Variants in DHX40 observed in about 807,000 individuals in gnomAD.
DHX40 encodes the protein DEAH-box helicase 40.
DHX40 carries 28 observed loss-of-function variants against 89.6 expected under a neutral mutation model. The ratio of observed to expected loss-of-function variants is 0.31; its 90% CI spans 0.23 to 0.43. The LOEUF (loss-of-function observed/expected upper bound fraction) is 0.43. DHX40 is among the 20% of genes least tolerant of loss of function. The pLI is 1.00. For missense variants in DHX40, 457 were observed against 844.0 expected, an observed-to-expected ratio of 0.54 and a Z score of 5.68; for synonymous variants, 226 against 283.6, an observed-to-expected ratio of 0.80 and a Z score of 2.04.
Position 59,606,995 on chromosome 17 carries a change from A to G in DHX40, c.2201-38A>G, listed in dbSNP as rs751622877. ...TTAACATTTCTAGTACTGAATCTCA[A>G]AGCTAAGTTTTATTGGATTAATTTG... On this transcript the variant is annotated intron_variant, in intron 17 of 17. Coordinates refer to ENST00000251241, the MANE Select transcript of DHX40 (RefSeq NM_024612.5). 22 of 1,571,202 alleles carry G rather than the reference A, an allele frequency of 1.4e-5. No individual in the cohort carries two copies. The highest frequency in any genetic ancestry group is 1.9e-5 in the Non-Finnish European group (22 of 1,149,782).
At chr17:59,598,680 AG>A in intron 12 of DHX40, 56 bp from the exon 13 acceptor site, 1 of 610,992 alleles carries the variant, frequency 1.6e-6, no homozygotes, top group East Asian at 2.8e-5. Context: ...CTGAAAGCAA[AG>A]TGATTGTAGG....
At chr17:59,605,331 C>A in intron 16 of DHX40, 115 bp from the exon 17 acceptor site, 1 of 1,316,938 alleles carries the variant, frequency 7.6e-7, no homozygotes, top group South Asian at 1.3e-5. Context: ...TGGCCTGTGC[C>A]TCCTGTTTGA....
At chr17:59,570,480 C>G (rs1289368876) in intron 2 of DHX40, 38 bp from the exon 3 acceptor site, 1 of 1,557,904 alleles carries the variant, frequency 6.4e-7, no homozygotes, top group East Asian at 2.4e-5. Flanking sequence ...AAGACAATTG[C>G]TAACATTGTT....
chr17:59,594,903 G>A (rs1221806821), intron 12 of DHX40, among the ~76,000 whole-genome samples: 6 of 151,476 alleles, frequency 4.0e-5, no homozygotes, highest in Admixed American at 1.3e-4. Context: ...CTTGTCTTAA[G>A]CATTTTAATC....
chr17:59,589,720 TTTGTTG>T (rs1029293636), intron 12 of DHX40, among the ~76,000 whole-genome samples: 1 of 134,388 alleles, frequency 7.4e-6, no homozygotes, highest in Middle Eastern at 3.3e-3. Context: ...ATAAACAAGT[TTTGTTG>T]TTGTTGTTTT....
At chr17:59,571,716 A>C (rs1178103599) in intron 3 of DHX40, among the ~76,000 whole-genome samples, 2 of 151,342 alleles carry the variant, frequency 1.3e-5, no homozygotes, top group Non-Finnish European at 2.9e-5. Flanking sequence ...TCAGCCTCCC[A>C]AGTAGCTGGG....
rs150052111 is a variant in DHX40, at chr17:59,573,781, G to A, written c.588G>A (p.Lys196=). The part of the protein sequence containing the change: ...FGLLKKLFQE[K]SPNRKEHLKV... ...TATTGAAGAAGCTATTTCAGGAGAA[G>A]TCTCCTAATAGGAAGGAGCATTTAA... Residue 196 remains lysine (K), a synonymous_variant, in exon 5 of 18, where the codon AAG becomes AAA. Transcript: ENST00000251241. 744 of 1,613,944 alleles carry A rather than the reference G, an allele frequency of 4.6e-4. 1 individual carries two copies. Among genetic ancestry groups the A allele is most frequent in the Non-Finnish European group, 5.9e-4 (694 of 1,179,918 alleles).
rs2030941017 is a variant in DHX40 at position 59,607,524 on chromosome 17, T to TC, written c.*354dup. On this transcript the variant is annotated 3_prime_UTR_variant, in exon 18 of 18. Transcript: ENST00000251241. ...TGAGTTGTATTTAATCAGCGTGTAC[T>TC]CCATTTGCATTGAAGCATTAAAAAT... 7.7e-6 allele frequency: 4 copies of TC among 521,462 alleles called. No homozygotes were observed. The highest frequency in any genetic ancestry group is 1.0e-5 in the Non-Finnish European group (3 of 294,316). 32.3% of individuals were successfully genotyped at this position (521,462 alleles called of 1,614,324 possible). A position where few individuals can be genotyped will look rare whatever the true frequency, so the allele number is the denominator to read the frequency against.
At chr17:59,592,057 G>A (rs1339274029) in intron 12 of DHX40, among the ~76,000 whole-genome samples, 10 of 151,232 alleles carry the variant, frequency 6.6e-5, no homozygotes, top group Admixed American at 2.6e-4. Context: ...TTTTTGTAGA[G>A]ATGAGGTCTC....
chr17:59,569,366 A>C (rs111317810), intron 2 of DHX40, among the ~76,000 whole-genome samples: 2,104 of 137,034 alleles, frequency 0.015, 28 homozygotes, highest in Non-Finnish European at 0.024. Context: ...ATAAATAAAT[A>C]AATCCAGTTT....
chr17:59,605,551 A>C lies in DHX40; in HGVS notation c.2077A>C (p.Arg693=), dbSNP rs769177178. The C allele has an allele frequency of 1.2e-6, 2 of 1,614,050 alleles. No individual in the cohort carries two copies. The highest frequency in any genetic ancestry group is 1.3e-5 in the African/African-American group (1 of 74,910). ...IVCPIRYEWV[R]DLLPKLHEFN... is the part of the protein sequence containing the mutation. ...ATGCCCAATCCGTTATGAATGGGTA[A>C]GAGACTTGTTACCCAAGTTGCATGA... The change falls in exon 17 of 18, where the codon AGA becomes CGA. Residue 693 remains arginine (R), a synonymous_variant. Transcript: ENST00000251241.
At chr17:59,601,377 C>T (rs958402416) in intron 14 of DHX40, among the ~76,000 whole-genome samples, 1 of 152,024 alleles carries the variant, frequency 6.6e-6, no homozygotes, top group Non-Finnish European at 1.5e-5. Context: ...GTTATAATTT[C>T]TCTGTTTCGT....
intron 3 of DHX40, among the ~76,000 whole-genome samples, chr17:59,572,241 A>G (rs562370549): frequency 1.3e-5 from 2 of 152,306 alleles, no homozygotes; most frequent in South Asian, 2.1e-4. Context: ...GTGGCACAAG[A>G]TGACTCCCCA....
chr17:59,566,661 T>C lies in DHX40; in HGVS notation c.147T>C (p.Thr49=). Residue 49 remains threonine, a synonymous_variant, in exon 2 of 18, where the codon ACT becomes ACC. Coordinates refer to ENST00000251241, the MANE Select transcript of DHX40 (RefSeq NM_024612.5). ...GATGCACGTCCCAGGAGGGAGGAAC[T>C]ACTCCAACTTTTCCTATTCAGAAAC... ...EKGCTSQEGG[T]TPTFPIQKQR... is the part of the protein sequence containing the mutation. 14 of 1,602,802 alleles carry C rather than the reference T, an allele frequency of 8.7e-6. No individual in the cohort carries two copies. The highest frequency in any genetic ancestry group is 1.2e-5 in the Non-Finnish European group (14 of 1,177,156).
intron 7 of DHX40, 127 bp downstream of exon 7, chr17:59,575,598 A>C (rs761996972): frequency 4.2e-6 from 3 of 713,898 alleles, no homozygotes; most frequent in Non-Finnish European, 7.4e-6. Context: ...TCACCTTTGT[A>C]ACCCACATCC....
chr17:59,604,822 T>G, intron 15 of DHX40: 1 of 290,604 alleles, frequency 3.4e-6, no homozygotes, highest in Non-Finnish European at 6.5e-6. Context: ...AGTTTTGACT[T>G]TTTAATAAAG....
At chr17:59,590,494 G>T (rs1305339905) in intron 12 of DHX40, among the ~76,000 whole-genome samples, 1 of 151,052 alleles carries the variant, frequency 6.6e-6, no homozygotes, top group Non-Finnish European at 1.5e-5. Flanking sequence ...TTGAGACAAG[G>T]TCTCACTGTG....
chr17:59,570,066 A>C (rs985424925), intron 2 of DHX40, among the ~76,000 whole-genome samples: 1 of 116,146 alleles, frequency 8.6e-6, no homozygotes, highest in Non-Finnish European at 1.6e-5. Flanking sequence ...TATACATTAT[A>C]TTATAATGTA....
At chr17:59,577,880 A>T (rs2048907215) in intron 8 of DHX40, among the ~76,000 whole-genome samples, 1 of 152,030 alleles carries the variant, frequency 6.6e-6, no homozygotes, top group Admixed American at 6.6e-5. Context: ...ATAAGCATAT[A>T]CCTTAGATGA....
Sources: allele counts gnomAD v4.1 joint callset (sites outside exome capture counted in the v4.1 genomes callset), GRCh38; gene constraint gnomAD v4.1.1; transcripts MANE v1.5; gene names NCBI Gene and HGNC (gene_info 2026-07-23, HGNC 2026-07-21).